Variants in USP13 observed in about 807,000 individuals in gnomAD.
The protein encoded by USP13 is ubiquitin specific peptidase 13, also known as ubiquitin carboxyl-terminal hydrolase 13.
A neutral mutation model predicts 107.8 loss-of-function variants in USP13; 68 were observed. The ratio of observed to expected loss-of-function variants is 0.63; its 90% CI spans 0.52 to 0.77. USP13 has a LOEUF of 0.77. Among genes scored for constraint, USP13 ranks in the 30% least tolerant of loss-of-function variants. The probability of loss-of-function intolerance (pLI) is 0.00; values close to 1 mark genes in which losing one functional copy is unlikely to be tolerated. For synonymous variants in USP13, 377 were observed against 389.5 expected, an observed-to-expected ratio of 0.97 and a Z score of 0.38; for missense variants, 945 against 1,093.3, an observed-to-expected ratio of 0.86 and a Z score of 1.91.
In USP13 at chr3:179,761,172, C is replaced by G; in HGVS notation, c.2009C>G (p.Ala670Gly). The part of the protein sequence containing the change: ...QLAEMGFPLE[A>G]CRKAVYFTGN... Reference sequence around the variant, plus strand: ...GCCGAGATGGGTTTCCCGCTGGAAGCATGTCGCAAGGCTGTGTACTTCACT... The same window carrying G: ...GCCGAGATGGGTTTCCCGCTGGAAGGATGTCGCAAGGCTGTGTACTTCACT... Residue 670 changes from alanine to glycine, a missense_variant, in exon 17 of 21, where the codon GCA (alanine) becomes GGA (glycine). Physicochemically the swap from Ala to Gly is moderately conservative, Grantham distance 60. Transcript: ENST00000263966. 1 of 1,614,196 alleles carries G rather than the reference C, an allele frequency of 6.2e-7. No individual in the cohort carries two copies. The highest frequency in any genetic ancestry group is 1.1e-5 in the South Asian group (1 of 91,082).
intron 6 of USP13, among the ~76,000 whole-genome samples, chr3:179,714,209 G>C (rs1184508706): frequency 6.6e-6 from 1 of 152,218 alleles, no homozygotes; most frequent in African/African-American, 2.4e-5. Context: ...GATTGTAGGA[G>C]AGTCTTCCAG....
rs1576968930 is a variant in USP13 at position 179,742,055 on chromosome 3, A to G, written c.1381-142A>G. 1 of 970,572 alleles carries G rather than the reference A, an allele frequency of 1.0e-6. No individual in the cohort carries two copies. The allele number at this position is 970,572 out of a possible 1,614,324, so 60.1% of individuals were successfully genotyped here. On this transcript the variant is annotated intron_variant, in intron 11 of 20. Coordinates refer to ENST00000263966, the MANE Select transcript of USP13 (RefSeq NM_003940.3). The surrounding 1 kb of genome is among the most constrained non-coding windows in gnomAD (Gnocchi z 5.0). ...AGATAAATTCCAGTGTTTTTCTATT[A>G]AAGTGCTTTGGTGAATGGGCATGGC...
At chr3:179,685,895 A>G (rs1711857176) in intron 2 of USP13, among the ~76,000 whole-genome samples, 1 of 151,870 alleles carries the variant, frequency 6.6e-6, no homozygotes, top group Non-Finnish European at 1.5e-5. Flanking sequence ...CTCATGATTC[A>G]TTTTTTTCAA....
intron 15 of USP13, 74 bp downstream of exon 15, chr3:179,754,928 A>G (rs1714736777): frequency 3.4e-6 from 5 of 1,490,894 alleles, no homozygotes; most frequent in South Asian, 1.4e-5. Context: ...TTCTTCCACC[A>G]CTGTGTTGCT....
chr3:179,675,998 G>A (rs1025617434), intron 1 of USP13, among the ~76,000 whole-genome samples: 4 of 152,168 alleles, frequency 2.6e-5, no homozygotes, highest in Non-Finnish European at 5.9e-5. Context: ...TCGTAGGAGG[G>A]ACCTGGTGGG....
Position 179,742,290 on chromosome 3 carries a change from A to T in USP13, c.1474A>T (p.Thr492Ser), listed in dbSNP as rs542083396. The T allele has an allele frequency of 1.2e-6, 2 of 1,614,224 alleles. No homozygotes were observed. The highest frequency in any genetic ancestry group is 4.5e-5 in the East Asian group (2 of 44,888). Residue 492 changes from threonine (T) to serine (S), a missense_variant, in exon 12 of 21, where the codon ACG becomes TCG. Coordinates refer to ENST00000263966, the MANE Select transcript of USP13 (RefSeq NM_003940.3). This position sits in a 1 kb window ranked among gnomAD's most constrained non-coding sequence, Gnocchi z 5.0. Reference protein sequence around the residue: ...QCCQTRKVRYTERVDYLMQLP... With the variant: ...QCCQTRKVRYSERVDYLMQLP... ...CTGTCAGACCCGGAAAGTCCGCTACACGGAGAGGGTGGATTACCTGATGCA... is the reference window on the plus strand; with the variant it reads ...CTGTCAGACCCGGAAAGTCCGCTACTCGGAGAGGGTGGATTACCTGATGCA...
intron 1 of USP13, among the ~76,000 whole-genome samples, chr3:179,671,452 A>G (rs1449535522): frequency 6.6e-6 from 1 of 152,224 alleles, no homozygotes; most frequent in African/African-American, 2.4e-5. Flanking sequence ...ACAGGAAGAA[A>G]AAAAATTCCC....
chr3:179,743,703 ACT>A (rs1333438344), intron 12 of USP13, among the ~76,000 whole-genome samples: 1 of 149,974 alleles, frequency 6.7e-6, no homozygotes, highest in African/African-American at 2.5e-5. Flanking sequence ...TCTTTTTTTA[ACT>A]CTGTTTATCA....
Position 179,788,276 on chromosome 3 carries a change from T to C in USP13, c.*4135T>C, listed in dbSNP as rs1715967767. 1 of 152,210 alleles carries C rather than the reference T, an allele frequency of 6.6e-6. No individual in the cohort carries two copies. The highest frequency in any genetic ancestry group is 1.5e-5 in the Non-Finnish European group (1 of 68,032). 9.4% of individuals were successfully genotyped at this position (152,210 alleles called of 1,614,324 possible). A position where few individuals can be genotyped will look rare whatever the true frequency, so the allele number is the denominator to read the frequency against. The stretch of plus-strand genomic sequence containing the variant: ...ATAAAGTGTGATAATGTCCTTTAGA[T>C]AAAAGAAATCCTACGCTATAGAACA... On this transcript the variant is annotated 3_prime_UTR_variant, in exon 21 of 21. Transcript: ENST00000263966.
rs991834355 is a variant in USP13 at position 179,721,146 on chromosome 3, G to C, written c.901-256G>C. Among the ~76,000 whole-genome samples, 1 of 152,120 alleles carries C rather than the reference G, an allele frequency of 6.6e-6. No homozygotes were observed. Among genetic ancestry groups the C allele is most frequent in the African/African-American group, 2.4e-5 (1 of 41,410 alleles). On this transcript the variant is annotated intron_variant, in intron 7 of 20. Transcript: ENST00000263966. The surrounding 1 kb of genome is among the most constrained non-coding windows in gnomAD (Gnocchi z 4.3). ...CTTTTTCATGTGTGTTTTAAAAATT[G>C]TGGTACAATATATATAATATAAAAG...
intron 15 of USP13, among the ~76,000 whole-genome samples, chr3:179,755,785 G>A (rs780717836): frequency 1.3e-5 from 2 of 152,124 alleles, no homozygotes; most frequent in Non-Finnish European, 1.5e-5. Flanking sequence ...AACTCATAAC[G>A]ACAGAGCACT....
chr3:179,775,704 A>G (rs2339847), intron 19 of USP13, among the ~76,000 whole-genome samples: 123,125 of 152,174 alleles, frequency 0.81, 50,231 homozygotes, highest in East Asian at 0.9. Context: ...GTGCAGTGCC[A>G]GCAGGCTGGC....
chr3:179,781,956 A>G (rs1477444355), intron 20 of USP13, 133 bp downstream of exon 20: 1 of 724,942 alleles, frequency 1.4e-6, no homozygotes, highest in Non-Finnish European at 2.2e-6. Context: ...TATACTGTTA[A>G]CGCCCTTTTG....
chr3:179,718,917 C>G (rs149891306), intron 6 of USP13, among the ~76,000 whole-genome samples: 1 of 151,994 alleles, frequency 6.6e-6, no homozygotes, highest in East Asian at 1.9e-4. Flanking sequence ...CCACCACGCC[C>G]GGCTAATTTT....
intron 2 of USP13, among the ~76,000 whole-genome samples, chr3:179,689,305 T>C (rs572407069): frequency 6.6e-6 from 1 of 152,312 alleles, no homozygotes; most frequent in African/African-American, 2.4e-5. Flanking sequence ...CTCTTTTGTA[T>C]TACCACTCGA....
At position 179,690,284 on chromosome 3, in the gene USP13, A is replaced by G. The variant is rs771971543; in HGVS notation, c.338A>G (p.Asn113Ser). Residue 113 changes from asparagine (N) to serine (S), a missense_variant, in exon 3 of 21, where the codon AAT (asparagine) becomes AGT (serine). Transcript: ENST00000263966. ...GGTGGAGCGTTACCAAAAAGGAGGA[A>G]TTCCAAGATTTTTTTAGGTAAATAG... ...ASGGALPKRRNSKIFLDLDTD... is the reference protein window; with the variant it reads ...ASGGALPKRRSSKIFLDLDTD... The G allele has an allele frequency of 1.2e-6, 2 of 1,614,008 alleles. No individual in the cohort carries two copies. The highest frequency in any genetic ancestry group is 3.3e-5 in the Admixed American group (2 of 60,010).
chr3:179,708,713 A>G (rs1343947869), intron 5 of USP13, 60 bp from the exon 6 acceptor site: 4 of 1,586,460 alleles, frequency 2.5e-6, no homozygotes, highest in African/African-American at 2.7e-5. Context: ...CTGTCTTCTT[A>G]GATGTTAAGT....
chr3:179,727,820 G>A (rs1202082938), intron 8 of USP13, among the ~76,000 whole-genome samples: 2 of 92,312 alleles, frequency 2.2e-5, no homozygotes, highest in African/African-American at 4.2e-5. Flanking sequence ...CCTCCCTCCC[G>A]GACGGGGCGG....
chr3:179,656,312 A>G (rs998560886), intron 1 of USP13, among the ~76,000 whole-genome samples: 5 of 152,230 alleles, frequency 3.3e-5, no homozygotes, highest in African/African-American at 1.2e-4. Flanking sequence ...TTGATTTTAT[A>G]TGGTCAGTTA....
Sources: gnomAD v4.1 joint callset for allele counts (sites outside exome capture counted in the v4.1 genomes callset) on GRCh38, gnomAD v4.1.1 for gene constraint, Gnocchi (gnomAD v3.1) non-coding constraint, MANE v1.5 for transcripts, NCBI Gene and HGNC (gene_info 2026-07-23, HGNC 2026-07-21) for gene names.